PSORS1C1: variants seen among roughly 807,000 people sequenced by gnomAD.
PSORS1C1 encodes psoriasis susceptibility 1 candidate 1.
In PSORS1C1, 7 loss-of-function variants were observed where a neutral mutation model predicts 9.4. The ratio of observed to expected loss-of-function variants is 0.75; its 90% CI spans 0.42 to 1.40. The LOEUF (loss-of-function observed/expected upper bound fraction) is 1.40. Ranked by LOEUF, PSORS1C1 falls within the 40% of genes most tolerant of loss-of-function variation. The pLI is 0.01. For missense variants in PSORS1C1, 146 were observed against 178.1 expected (o/e 0.82, Z 1.02); for synonymous variants, 63 against 69.4 (o/e 0.91, Z 0.46).
chr6:31,138,160 G>A (rs773837561), intron 3 of PSORS1C1: 2 of 1,600,912 alleles, frequency 1.2e-6, no homozygotes, highest in South Asian at 1.1e-5. Flanking sequence ...CGACTGGGGC[G>A]GGTAGGCGGA....
chr6:31,132,367 C>CA (rs1188944658), intron 3 of PSORS1C1, among the ~76,000 whole-genome samples: 2 of 146,966 alleles, frequency 1.4e-5, no homozygotes, highest in Non-Finnish European at 3.0e-5. Flanking sequence ...ACTAAAAATA[C>CA]AAAAATTAGC....
chr6:31,122,427 T>C (rs1772502467), intron 1 of PSORS1C1, among the ~76,000 whole-genome samples: 1 of 152,190 alleles, frequency 6.6e-6, no homozygotes, highest in African/African-American at 2.4e-5. Context: ...TTCTGCTCCC[T>C]TCCTGCCTTG....
rs140942506 is a variant in PSORS1C1 at position 31,122,275 on chromosome 6, A to C, written c.-228-3401A>C. Among the ~76,000 whole-genome samples, 129 of 152,338 alleles carry C rather than the reference A, an allele frequency of 8.5e-4. 2 individuals carry two copies. In the East Asian group the frequency reaches 0.013, roughly 16 times the overall value. On this transcript the variant is annotated intron_variant, in intron 1 of 5. Coordinates refer to ENST00000259881, the MANE Select transcript of PSORS1C1 (RefSeq NM_014068.3). ...AATGGGACAAGGGGTGCAGTCCCCCAGTAGGAAGCCCAGCAAATGGAGCCC... is the reference window on the plus strand; with the variant it reads ...AATGGGACAAGGGGTGCAGTCCCCCCGTAGGAAGCCCAGCAAATGGAGCCC...
At chr6:31,133,247 A>G (rs896520839) in intron 3 of PSORS1C1, among the ~76,000 whole-genome samples, 4 of 147,492 alleles carry the variant, frequency 2.7e-5, no homozygotes, top group African/African-American at 9.9e-5. Context: ...TGAATAAATC[A>G]TTGCCATAGG....
intron 3 of PSORS1C1, 60 bp from the exon 4 acceptor site, chr6:31,138,370 C>T: frequency 6.2e-7 from 1 of 1,601,848 alleles, no homozygotes; most frequent in Non-Finnish European, 8.5e-7. Context: ...CCCACCCAGC[C>T]CCAGCCCCAG....
At chr6:31,134,366 G>A (rs10947140) in intron 3 of PSORS1C1, among the ~76,000 whole-genome samples, 50,263 of 150,982 alleles carry the variant, frequency 0.33, 9,305 homozygotes, top group African/African-American at 0.5. Flanking sequence ...GCAGTGGCAC[G>A]ATCTCGGCTC....
intron 1 of PSORS1C1, chr6:31,120,248 A>G: frequency 9.4e-7 from 1 of 1,060,732 alleles, no homozygotes; most frequent in Non-Finnish European, 1.4e-6. Context: ...GGCAGATTCC[A>G]GAGCCCCTGC....
chr6:31,129,648 G>A lies in PSORS1C1; in HGVS notation c.13+3G>A, dbSNP rs182744024. ...CACTTGTGATATGACTTGCACAGGT[G>A]AGTTACCTCTCTCAGTGTTGGTTCC... On this transcript the variant is annotated splice_donor_region_variant and intron_variant, in intron 3 of 5. Coordinates refer to ENST00000259881, the MANE Select transcript of PSORS1C1 (RefSeq NM_014068.3). 1.2e-5 allele frequency: 9 copies of A among 779,898 alleles called. No individual in the cohort carries two copies. The East Asian group carries it at 2.2e-4, about 19-fold the overall frequency. The allele number at this position is 779,898 out of a possible 1,614,324, so 48.3% of individuals were successfully genotyped here. A position where few individuals can be genotyped will look rare whatever the true frequency, so the allele number is the denominator to read the frequency against.
intron 1 of PSORS1C1, among the ~76,000 whole-genome samples, chr6:31,125,194 GA>G (rs1008205046): frequency 6.6e-6 from 1 of 152,230 alleles, no homozygotes; most frequent in Non-Finnish European, 1.5e-5. Flanking sequence ...GCTGAGGAGA[GA>G]AGGAAAGGGG....
At chr6:31,116,055 T>A in intron 1 of PSORS1C1, 1 of 1,611,754 alleles carries the variant, frequency 6.2e-7, no homozygotes, top group Non-Finnish European at 8.5e-7. Context: ...CTCCTTGGGG[T>A]AGGAAAACTT....
chr6:31,129,761 C>A, intron 3 of PSORS1C1, 116 bp downstream of exon 3: 1 of 713,932 alleles, frequency 1.4e-6, no homozygotes. Context: ...CAAAGAAAGA[C>A]AAGGCACAGT....
intron 1 of PSORS1C1, among the ~76,000 whole-genome samples, chr6:31,122,238 T>A (rs1772494203): frequency 6.6e-6 from 1 of 152,122 alleles, no homozygotes; most frequent in Non-Finnish European, 1.5e-5. Context: ...TGGGAAATTA[T>A]CAAAAAGGTT....
At chr6:31,132,267 A>C (rs1464812505) in intron 3 of PSORS1C1, among the ~76,000 whole-genome samples, 1 of 152,156 alleles carries the variant, frequency 6.6e-6, no homozygotes, top group African/African-American at 2.4e-5. Flanking sequence ...CATGCCTGTA[A>C]TCTCGACACT....
intron 3 of PSORS1C1, among the ~76,000 whole-genome samples, chr6:31,134,209 G>A (rs936519813): frequency 6.6e-6 from 1 of 151,810 alleles, no homozygotes; most frequent in East Asian, 1.9e-4. Context: ...TCGAACTCCT[G>A]ACCTCAGGTA....
chr6:31,129,471 T>C, intron 2 of PSORS1C1, 98 bp from the exon 3 acceptor site: 1 of 669,450 alleles, frequency 1.5e-6, no homozygotes, highest in Non-Finnish European at 2.7e-6. Context: ...GACAGCCTGT[T>C]TGAGTGCCAA....
intron 2 of PSORS1C1, among the ~76,000 whole-genome samples, chr6:31,126,891 G>GACGCAAGATA (rs1196096493): frequency 2.6e-5 from 4 of 152,156 alleles, no homozygotes; most frequent in Non-Finnish European, 4.4e-5. Flanking sequence ...GTCACACCCT[G>GACGCAAGATA]AGGCCACCCC....
At chr6:31,129,224 T>C (rs1488606629) in intron 2 of PSORS1C1, among the ~76,000 whole-genome samples, 1 of 152,128 alleles carries the variant, frequency 6.6e-6, no homozygotes, top group Non-Finnish European at 1.5e-5. Context: ...ATGTCCAAGG[T>C]TCTGGGCTAT....
At chr6:31,120,530 G>A in intron 1 of PSORS1C1, 1 of 964,412 alleles carries the variant, frequency 1.0e-6, no homozygotes, top group South Asian at 1.4e-5. Flanking sequence ...GAGGAGAGGT[G>A]GAGGGGGTGG....
intron 1 of PSORS1C1, among the ~76,000 whole-genome samples, chr6:31,124,825 G>T (rs187357937): frequency 6.6e-6 from 1 of 152,156 alleles, no homozygotes; most frequent in African/African-American, 2.4e-5. Flanking sequence ...AAAATTAGCC[G>T]GGTGCGGGGG....
Sources: gnomAD v4.1 joint callset for allele counts (sites outside exome capture counted in the v4.1 genomes callset) on GRCh38, gnomAD v4.1.1 for gene constraint, MANE v1.5 for transcripts, NCBI Gene and HGNC (gene_info 2026-07-23, HGNC 2026-07-21) for gene names.